Variants in SLC5A4 observed in about 807,000 individuals in gnomAD.
SLC5A4 encodes solute carrier family 5 member 4.
In SLC5A4, 55 loss-of-function variants were observed where a neutral mutation model predicts 70.3. That is an observed-to-expected ratio of 0.78 (90% confidence interval 0.63 to 0.98). The LOEUF (loss-of-function observed/expected upper bound fraction) is 0.98. SLC5A4 is among the 50% of genes least tolerant of loss of function. The pLI is 0.00. For missense variants in SLC5A4, 735 were observed against 839.2 expected (o/e 0.88, Z 1.53); for synonymous variants, 268 against 305.7 (o/e 0.88, Z 1.29).
the SLC5A4 span, among the ~76,000 whole-genome samples, chr22:32,343,585 TGTTA>T: frequency 7.9e-5 from 12 of 152,352 alleles, no homozygotes; most frequent in South Asian, 4.1e-4. Flanking sequence ...TCTTAGCTAC[TGTTA>T]GTTAGATTTT....
At chr22:32,270,882 C>T in the SLC5A4 span, 1 of 557,692 alleles carries the variant, frequency 1.8e-6, no homozygotes, top group Non-Finnish European at 3.4e-6. Flanking sequence ...CACCATCAGC[C>T]CAACGTGATC....
At chr22:32,317,635 T>C in the SLC5A4 span, among the ~76,000 whole-genome samples, 1 of 152,050 alleles carries the variant, frequency 6.6e-6, no homozygotes, top group Non-Finnish European at 1.5e-5. Flanking sequence ...GCTAATTAAA[T>C]AAAAATTCTT....
chr22:32,221,102 C>T (rs905751637), intron 13 of SLC5A4, 80 bp from the exon 14 acceptor site: 4 of 942,998 alleles, frequency 4.2e-6, no homozygotes, highest in East Asian at 2.4e-5. Context: ...CTTTGTTTAT[C>T]GTCTGGTGTT....
chr22:32,335,695 G>A, the SLC5A4 span, among the ~76,000 whole-genome samples: 64 of 152,190 alleles, frequency 4.2e-4, no homozygotes, highest in Admixed American at 4.0e-3. Context: ...GTTCCTGCCT[G>A]CCCCCAGCTG....
At chr22:32,322,242 G>A in the SLC5A4 span, among the ~76,000 whole-genome samples, 1 of 152,174 alleles carries the variant, frequency 6.6e-6, no homozygotes, top group Non-Finnish European at 1.5e-5. Context: ...GTCCTCACCT[G>A]CCCTCCTATG....
At chr22:32,286,001 G>A in the SLC5A4 span, among the ~76,000 whole-genome samples, 3 of 152,154 alleles carry the variant, frequency 2.0e-5, no homozygotes, top group African/African-American at 7.2e-5. Flanking sequence ...CTCCCAAAGT[G>A]CTGTGATTAC....
the SLC5A4 span, among the ~76,000 whole-genome samples, chr22:32,330,974 G>GGTGTGTATGTTGGGGGCTTTGGT: frequency 4.9e-4 from 1 of 2,056 alleles, no homozygotes; most frequent in Non-Finnish European, 9.5e-4. Flanking sequence ...TGGGGGCACT[G>GGTGTGTATGTTGGGGGCTTTGGT]GTGTGTGTGT....
the SLC5A4 span, chr22:32,342,911 T>C: frequency 2.6e-5 from 4 of 152,254 alleles, no homozygotes; most frequent in African/African-American, 9.6e-5. Context: ...TTCCAAGTTT[T>C]GTCTTTTTTC....
the SLC5A4 span, among the ~76,000 whole-genome samples, chr22:32,277,535 G>C: frequency 3.3e-5 from 5 of 151,938 alleles, no homozygotes. Flanking sequence ...ATAGATTTCC[G>C]GTTTTATGTA....
chr22:32,309,762 C>T, the SLC5A4 span, among the ~76,000 whole-genome samples: 3 of 152,132 alleles, frequency 2.0e-5, no homozygotes, highest in African/African-American at 7.2e-5. Flanking sequence ...TGGCACCCCA[C>T]CTCACACATT....
chr22:32,271,708 C>A, the SLC5A4 span: 1 of 578,004 alleles, frequency 1.7e-6, no homozygotes, highest in Non-Finnish European at 3.2e-6. Context: ...GCATCAATGG[C>A]CCTGTCAACT....
the SLC5A4 span, among the ~76,000 whole-genome samples, chr22:32,322,685 G>C: frequency 6.6e-6 from 1 of 152,122 alleles, no homozygotes; most frequent in Admixed American, 6.5e-5. Flanking sequence ...TGGAGCCCTC[G>C]GTTGCACAAA....
At chr22:32,264,293 A>G in the SLC5A4 span, among the ~76,000 whole-genome samples, 5 of 152,250 alleles carry the variant, frequency 3.3e-5, no homozygotes, top group Middle Eastern at 0.014. Context: ...AGAAATCTCA[A>G]TCAGGTGTGG....
At chr22:32,222,277 A>C (rs1216819587) in intron 13 of SLC5A4, among the ~76,000 whole-genome samples, 2 of 152,172 alleles carry the variant, frequency 1.3e-5, no homozygotes, top group Non-Finnish European at 2.9e-5. Context: ...TCTTTGTTAA[A>C]AACTCTCTTC....
chr22:32,234,885 C>T lies in SLC5A4; in HGVS notation c.873G>A (p.Trp291Ter). 1 of 1,609,692 alleles carries T rather than the reference C, an allele frequency of 6.2e-7. No homozygotes were observed. The highest frequency in any genetic ancestry group is 8.5e-7 in the Non-Finnish European group (1 of 1,177,800). The change falls in exon 8 of 15, where the codon TGG becomes TGA. Residue 291 changes from tryptophan (W) to a stop codon, truncating the protein, a stop_gained. Coordinates refer to ENST00000266086, the MANE Select transcript of SLC5A4 (RefSeq NM_014227.3). LOFTEE classifies it high-confidence loss of function. ...FGMPITALWY[W>*]CTNQVIVQRC... ...ACATATACTTCACCTGATTTGTGCA[C>T]CAGTACCACAAAGCTGTAATGGGCA...
chr22:32,329,374 T>C, the SLC5A4 span, among the ~76,000 whole-genome samples: 1 of 152,202 alleles, frequency 6.6e-6, no homozygotes, highest in Admixed American at 6.5e-5. Flanking sequence ...TCAAGAAATG[T>C]ATGTCTATTG....
chr22:32,351,839 T>C, the SLC5A4 span, among the ~76,000 whole-genome samples: 1 of 148,904 alleles, frequency 6.7e-6, no homozygotes, highest in South Asian at 2.1e-4. Flanking sequence ...TTGCTTGTGA[T>C]AAAGAAAACA....
the SLC5A4 span, among the ~76,000 whole-genome samples, chr22:32,326,621 T>C: frequency 1.3e-5 from 2 of 152,094 alleles, no homozygotes; most frequent in Admixed American, 6.5e-5. Context: ...TTAATCCTAC[T>C]TGTAAATGTG....
the SLC5A4 span, among the ~76,000 whole-genome samples, chr22:32,297,183 G>A: frequency 7.2e-5 from 11 of 151,796 alleles, no homozygotes; most frequent in African/African-American, 2.4e-4. Flanking sequence ...GAGTTAGGGA[G>A]GATTCCCTCT....
Sources: allele counts gnomAD v4.1 joint callset (sites outside exome capture counted in the v4.1 genomes callset), GRCh38; gene constraint gnomAD v4.1.1; transcripts MANE v1.5; gene names NCBI Gene and HGNC (gene_info 2026-07-23, HGNC 2026-07-21).